ZFHX3: variants seen among roughly 807,000 people sequenced by gnomAD.
The protein encoded by ZFHX3 is zinc finger homeobox 3, also known as zinc finger homeobox protein 3.
Under a neutral mutation model 279.1 loss-of-function variants are expected in ZFHX3, and 42 were observed. The ratio of observed to expected loss-of-function variants is 0.15; its 90% CI spans 0.12 to 0.19. ZFHX3 has a LOEUF of 0.19. Among genes scored for constraint, ZFHX3 ranks in the 10% least tolerant of loss-of-function variants. ZFHX3 has a pLI of 1.00. For synonymous variants in ZFHX3, 2,293 were observed against 1,957.8 expected, an observed-to-expected ratio of 1.17 and a Z score of -4.52; for missense variants, 4,981 against 4,754.0, an observed-to-expected ratio of 1.05 and a Z score of -1.40.
intron 1 of ZFHX3, among the ~76,000 whole-genome samples, chr16:73,839,379 T>C (rs1961239589): frequency 8.0e-6 from 1 of 124,658 alleles, no homozygotes; most frequent in African/African-American, 3.1e-5. Context: ...TAGGTCTGCA[T>C]GGGCAATGAA....
intron 3 of ZFHX3, among the ~76,000 whole-genome samples, chr16:73,440,092 A>G (rs1251431639): frequency 6.6e-6 from 1 of 152,066 alleles, no homozygotes; most frequent in Non-Finnish European, 1.5e-5. Flanking sequence ...ACAGTACACA[A>G]TTTGGAGGAA....
At chr16:73,807,853 AT>A (rs1960324355) in intron 1 of ZFHX3, among the ~76,000 whole-genome samples, 1 of 151,736 alleles carries the variant, frequency 6.6e-6, no homozygotes. Flanking sequence ...TCCAACATAC[AT>A]TTTGGACGGG....
At chr16:73,418,136 G>A (rs534233430) in intron 3 of ZFHX3, among the ~76,000 whole-genome samples, 155 of 152,324 alleles carry the variant, frequency 1.0e-3, no homozygotes, top group South Asian at 1.9e-3. Flanking sequence ...AGAGGCCACT[G>A]GGAACTCGCT....
chr16:73,538,604 A>T (rs1411288805), intron 2 of ZFHX3, among the ~76,000 whole-genome samples: 1 of 152,158 alleles, frequency 6.6e-6, no homozygotes, highest in Non-Finnish European at 1.5e-5. Flanking sequence ...GGAAAGTAAC[A>T]CACAAATGTC....
chr16:72,854,546 G>C (rs1244153735), intron 4 of ZFHX3, among the ~76,000 whole-genome samples: 1 of 152,138 alleles, frequency 6.6e-6, no homozygotes, highest in Non-Finnish European at 1.5e-5. Flanking sequence ...TGGGTCCCAA[G>C]AACGACTGGC....
At chr16:73,160,112 G>C (rs1458887090) in intron 5 of ZFHX3, among the ~76,000 whole-genome samples, 1 of 152,198 alleles carries the variant, frequency 6.6e-6, no homozygotes, top group Non-Finnish European at 1.5e-5. Context: ...GCATTGTTTG[G>C]ATATGTGATG....
chr16:72,853,850 G>C (rs990645202), intron 4 of ZFHX3, among the ~76,000 whole-genome samples: 2 of 152,046 alleles, frequency 1.3e-5, no homozygotes, highest in African/African-American at 4.8e-5. Context: ...CTGAGCGGCA[G>C]GAGGAGAGAG....
At chr16:73,865,836 A>T (rs1305918099) in intron 1 of ZFHX3, among the ~76,000 whole-genome samples, 4 of 151,492 alleles carry the variant, frequency 2.6e-5, no homozygotes, top group Non-Finnish European at 5.9e-5. Flanking sequence ...AAAAAAAAAA[A>T]TAGCCGGGTG....
At chr16:73,515,941 C>T (rs997452617) in intron 2 of ZFHX3, among the ~76,000 whole-genome samples, 1 of 152,198 alleles carries the variant, frequency 6.6e-6, no homozygotes, top group African/African-American at 2.4e-5. Context: ...AATGCAAACA[C>T]ATTGTTTCCA....
At chr16:73,054,746 T>A (rs975996393) in intron 1 of ZFHX3, among the ~76,000 whole-genome samples, 2 of 152,102 alleles carry the variant, frequency 1.3e-5, no homozygotes, top group African/African-American at 4.8e-5. Flanking sequence ...TCAGTTTACA[T>A]TGGTGTAATT....
At chr16:73,730,321 T>C (rs910791846) in intron 1 of ZFHX3, among the ~76,000 whole-genome samples, 2 of 100,288 alleles carry the variant, frequency 2.0e-5, no homozygotes, top group Admixed American at 2.7e-4. Flanking sequence ...AATCACTCAA[T>C]GATCAACCCT....
At chr16:73,265,545 A>G (rs537417141) in intron 4 of ZFHX3, among the ~76,000 whole-genome samples, 1 of 152,170 alleles carries the variant, frequency 6.6e-6, no homozygotes, top group African/African-American at 2.4e-5. Flanking sequence ...TGCATTGACC[A>G]CGCAGTTTGG....
intron 2 of ZFHX3, among the ~76,000 whole-genome samples, chr16:73,491,585 G>C (rs1460147117): frequency 1.3e-5 from 2 of 152,176 alleles, no homozygotes; most frequent in African/African-American, 2.4e-5. Flanking sequence ...GTGTTTACAT[G>C]GGTAGCACTG....
intron 3 of ZFHX3, among the ~76,000 whole-genome samples, chr16:73,358,025 C>T (rs2016373470): frequency 6.6e-6 from 1 of 152,242 alleles, no homozygotes; most frequent in Non-Finnish European, 1.5e-5. Flanking sequence ...AGCCCTGCTC[C>T]TTCCAGGGCC....
chr16:73,545,832 A>C (rs1015250280), intron 2 of ZFHX3, among the ~76,000 whole-genome samples: 3 of 152,190 alleles, frequency 2.0e-5, no homozygotes, highest in African/African-American at 7.2e-5. Flanking sequence ...AAAATGACTA[A>C]ACTGCAGCCC....
chr16:72,983,708 G>GA (rs1419160046), intron 1 of ZFHX3, among the ~76,000 whole-genome samples: 126 of 140,416 alleles, frequency 9.0e-4, no homozygotes, highest in Middle Eastern at 3.7e-3. Context: ...TCTTGTCTCA[G>GA]AAAAAAAAAA....
chr16:73,587,633 T>A (rs2051941364), intron 2 of ZFHX3, among the ~76,000 whole-genome samples: 1 of 152,208 alleles, frequency 6.6e-6, no homozygotes, highest in Non-Finnish European at 1.5e-5. Context: ...CTCACCAGAC[T>A]TGTATCCAAT....
intron 3 of ZFHX3, among the ~76,000 whole-genome samples, chr16:73,429,365 C>T (rs896737747): frequency 6.6e-6 from 1 of 152,128 alleles, no homozygotes; most frequent in African/African-American, 2.4e-5. Flanking sequence ...TGGAGTCTCA[C>T]TTTGTTGCCC....
chr16:73,737,932 T>G (rs1000794766), intron 1 of ZFHX3, among the ~76,000 whole-genome samples: 1 of 152,144 alleles, frequency 6.6e-6, no homozygotes, highest in Non-Finnish European at 1.5e-5. Context: ...CCAGGGGGTG[T>G]AGAGGTACTT....
Sources: allele counts gnomAD v4.1 joint callset (sites outside exome capture counted in the v4.1 genomes callset), GRCh38; gene constraint gnomAD v4.1.1; transcripts MANE v1.5; gene names NCBI Gene and HGNC (gene_info 2026-07-23, HGNC 2026-07-21).